NCOA5: variants seen among roughly 807,000 people sequenced by gnomAD.
NCOA5 encodes nuclear receptor coactivator 5, also known as NCoA-5.
NCOA5 carries 12 observed loss-of-function variants against 59.0 expected under a neutral mutation model. The observed-to-expected ratio is 0.20, with a 90% confidence interval of 0.13 to 0.33. The LOEUF is 0.33. Among genes scored for constraint, NCOA5 ranks in the 10% least tolerant of loss-of-function variants. The probability of loss-of-function intolerance (pLI) is 1.00; values close to 1 mark genes in which losing one functional copy is unlikely to be tolerated. For missense variants in NCOA5, 655 were observed against 766.6 expected, an observed-to-expected ratio of 0.85 and a Z score of 1.72; for synonymous variants, 270 against 275.5, an observed-to-expected ratio of 0.98 and a Z score of 0.20.
chr20:46,088,269 T>C (rs1040107468), intron 1 of NCOA5, among the ~76,000 whole-genome samples: 1 of 152,150 alleles, frequency 6.6e-6, no homozygotes, highest in African/African-American at 2.4e-5. Flanking sequence ...GCTGGGACAT[T>C]CTACAAGGAA....
rs2084764556 is a variant in NCOA5, at chr20:46,061,629, C to T, written c.*671G>A. On this transcript the variant is annotated 3_prime_UTR_variant, in exon 8 of 8. Coordinates refer to ENST00000290231, the MANE Select transcript of NCOA5 (RefSeq NM_020967.3). ...TGCTGCTGACTGGAGCTGTTCAGTCCATTGGAGATCTTCCAATGAAATGAA... is the reference window on the plus strand; with the variant it reads ...TGCTGCTGACTGGAGCTGTTCAGTCTATTGGAGATCTTCCAATGAAATGAA... 1 of 152,504 alleles carries T rather than the reference C, an allele frequency of 6.6e-6. No individual in the cohort carries two copies. The highest frequency in any genetic ancestry group is 2.1e-4 in the South Asian group (1 of 4,826). The allele number at this position is 152,504 out of a possible 1,614,324, so 9.4% of individuals were successfully genotyped here.
rs1280406211 is a variant in NCOA5, at chr20:46,061,084, G to A, written c.*1216C>T. On this transcript the variant is annotated 3_prime_UTR_variant, in exon 8 of 8. Transcript: ENST00000290231. The stretch of plus-strand genomic sequence containing the variant: ...AAAAAACCACTATATAACACAAACA[G>A]GTCAGAACATAAAATGCTGCCATTT... 6.6e-6 allele frequency: 1 copy of A among 151,544 alleles called. No homozygotes were observed. Among genetic ancestry groups the A allele is most frequent in the Non-Finnish European group, 1.5e-5 (1 of 67,956 alleles). The allele number at this position is 151,544 out of a possible 1,614,324, so 9.4% of individuals were successfully genotyped here. A position where few individuals can be genotyped will look rare whatever the true frequency, so the allele number is the denominator to read the frequency against.
At chr20:46,080,496 T>C (rs1174906185) in intron 1 of NCOA5, among the ~76,000 whole-genome samples, 1 of 152,176 alleles carries the variant, frequency 6.6e-6, no homozygotes, top group Non-Finnish European at 1.5e-5. Flanking sequence ...ACTCACATAA[T>C]TCGAGTGCTT....
At position 46,081,008 on chromosome 20, in the gene NCOA5, GACTT is replaced by G. The variant is rs1474303855; in HGVS notation, c.-29-1559_-29-1556del. Among the ~76,000 whole-genome samples, 17 of 152,140 alleles carry G rather than the reference GACTT, an allele frequency of 1.1e-4. 1 individual carries two copies. The highest frequency in any genetic ancestry group is 1.5e-5 in the Non-Finnish European group (1 of 67,934). On this transcript the variant is annotated intron_variant, in intron 1 of 7. Transcript: ENST00000290231. ...GTGAAGAATACTAGTTCAGGTTTAT[GACTT>G]ACTGAGTCTGTTCACTTACTGTGTA...
chr20:46,070,958 C>T (rs572570354), intron 2 of NCOA5, among the ~76,000 whole-genome samples: 3 of 151,994 alleles, frequency 2.0e-5, no homozygotes, highest in Admixed American at 1.3e-4. Context: ...CCTTAAAGTA[C>T]GGAAAATGCA....
chr20:46,067,700 A>C (rs1469416311), intron 4 of NCOA5, among the ~76,000 whole-genome samples: 2 of 152,154 alleles, frequency 1.3e-5, no homozygotes, highest in African/African-American at 4.8e-5. Flanking sequence ...TAAAGATTTC[A>C]ACTTGGCCAG....
chr20:46,062,931 C>CT, intron 7 of NCOA5, 42 bp from the exon 8 acceptor site: 1 of 1,487,882 alleles, frequency 6.7e-7, no homozygotes, highest in Non-Finnish European at 8.9e-7. Flanking sequence ...AAAGTACCCC[C>CT]CAAGGGCAGG....
At chr20:46,068,701 G>A (rs2084850356) in intron 3 of NCOA5, 63 bp from the exon 4 acceptor site, 3 of 1,524,504 alleles carry the variant, frequency 2.0e-6, no homozygotes, top group South Asian at 1.2e-5. Flanking sequence ...AAGTCACCTA[G>A]AGAATTCTCT....
intron 2 of NCOA5, among the ~76,000 whole-genome samples, chr20:46,074,654 C>T (rs1321400163): frequency 6.6e-6 from 1 of 152,200 alleles, no homozygotes; most frequent in Non-Finnish European, 1.5e-5. Flanking sequence ...AAGGGGAAAA[C>T]AATGGCTCTG....
At chr20:46,066,988 G>A in intron 5 of NCOA5, 67 bp downstream of exon 5, 1 of 1,565,972 alleles carries the variant, frequency 6.4e-7, no homozygotes, top group Non-Finnish European at 8.7e-7. Context: ...GGATAGAGGT[G>A]CTAAACAGGA....
intron 1 of NCOA5, among the ~76,000 whole-genome samples, chr20:46,082,596 C>T (rs962202612): frequency 1.3e-5 from 2 of 152,204 alleles, no homozygotes; most frequent in Non-Finnish European, 2.9e-5. Context: ...GTCTTCTCCA[C>T]TTCAGTTTGG....
chr20:46,079,633 C>T (rs965064156), intron 1 of NCOA5, among the ~76,000 whole-genome samples, 180 bp from the exon 2 acceptor site: 1 of 152,222 alleles, frequency 6.6e-6, no homozygotes, highest in African/African-American at 2.4e-5. Flanking sequence ...TAAGGTAGTA[C>T]ATTGTCACGG....
intron 5 of NCOA5, among the ~76,000 whole-genome samples, chr20:46,066,199 C>T (rs1422238580): frequency 6.6e-6 from 1 of 152,208 alleles, no homozygotes; most frequent in Non-Finnish European, 1.5e-5. Context: ...AACATAGCTA[C>T]TGCCAAGCCT....
chr20:46,078,773 CTT>C (rs2084964392), intron 2 of NCOA5, among the ~76,000 whole-genome samples: 1 of 152,170 alleles, frequency 6.6e-6, no homozygotes, highest in Admixed American at 6.5e-5. Flanking sequence ...AGGATTATCT[CTT>C]TTGTATACAC....
At chr20:46,076,800 G>A (rs1340762944) in intron 2 of NCOA5, among the ~76,000 whole-genome samples, 1 of 152,144 alleles carries the variant, frequency 6.6e-6, no homozygotes, top group Non-Finnish European at 1.5e-5. Flanking sequence ...AAATAAAGCA[G>A]GAAGTCACTG....
At position 46,065,238 on chromosome 20, in the gene NCOA5, T is replaced by C; in HGVS notation, c.630-10A>G. The stretch of plus-strand genomic sequence containing the variant: ...AGACTCAGCATAGTCTCTGTAAAAA[T>C]AAATAAGATCCAGGTGAGCGACCAA... On this transcript the variant is annotated splice_polypyrimidine_tract_variant and intron_variant, in intron 5 of 7. Coordinates refer to ENST00000290231, the MANE Select transcript of NCOA5 (RefSeq NM_020967.3). 1 of 1,614,080 alleles carries C rather than the reference T, an allele frequency of 6.2e-7. No homozygotes were observed. The highest frequency in any genetic ancestry group is 1.3e-5 in the African/African-American group (1 of 75,032).
rs745822989 is a variant in NCOA5 at position 46,065,182 on chromosome 20, C to T, written c.676G>A (p.Val226Ile). ...GTGTTAAGGAAGATCAAGTCCACTA[C>T]CATGCCCAGGTCTCGCACCTTCCGC... Reference protein sequence around the residue: ...VGRKVRDLGMVVDLIFLNTEV... With the variant: ...VGRKVRDLGMIVDLIFLNTEV... The change falls in exon 6 of 8, where the codon GTA becomes ATA. Residue 226 changes from valine (V) to isoleucine (I), a missense_variant. Physicochemically the swap from Val to Ile is conservative, Grantham distance 29. Coordinates refer to ENST00000290231, the MANE Select transcript of NCOA5 (RefSeq NM_020967.3). 4.4e-5 allele frequency: 71 copies of T among 1,614,206 alleles called. No individual in the cohort carries two copies. In the South Asian group the frequency reaches 7.5e-4, roughly 17 times the overall value.
intron 5 of NCOA5, 124 bp downstream of exon 5, chr20:46,066,930 CT>C (rs1357207501): frequency 3.6e-6 from 4 of 1,112,770 alleles, no homozygotes; most frequent in Non-Finnish European, 5.0e-6. Context: ...TGAAAGAACC[CT>C]GGCTAACAGC....
chr20:46,082,308 G>A (rs1207171730), intron 1 of NCOA5, among the ~76,000 whole-genome samples: 2 of 152,038 alleles, frequency 1.3e-5, no homozygotes, highest in Non-Finnish European at 2.9e-5. Context: ...AATCCTTATA[G>A]AGAGATATAA....
Sources: allele counts gnomAD v4.1 joint callset (sites outside exome capture counted in the v4.1 genomes callset), GRCh38; gene constraint gnomAD v4.1.1; transcripts MANE v1.5; gene names NCBI Gene and HGNC (gene_info 2026-07-23, HGNC 2026-07-21).